ANK3: variants seen among roughly 807,000 people sequenced by gnomAD.
ANK3 encodes the protein ankyrin-3.
ANK3 carries 57 observed loss-of-function variants against 370.9 expected under a neutral mutation model. The observed-to-expected ratio is 0.15, with a 90% CI of 0.12 to 0.19. The LOEUF (loss-of-function observed/expected upper bound fraction) is 0.19, where lower values mean the gene tolerates loss of function less well. ANK3 is among the 10% of genes least tolerant of loss of function. ANK3 has a pLI of 1.00. For synonymous variants in ANK3, 1,929 were observed against 1,946.3 expected, an observed-to-expected ratio of 0.99 and a Z score of 0.23; for missense variants, 4,439 against 5,302.1, an observed-to-expected ratio of 0.84 and a Z score of 5.06.
intron 7 of ANK3, among the ~76,000 whole-genome samples, chr10:60,255,504 T>C (rs2097721455): frequency 6.6e-6 from 1 of 151,994 alleles, no homozygotes; most frequent in South Asian, 2.1e-4. Context: ...AGATAGCAAA[T>C]AGAGTGTGCA....
chr10:60,484,084 T>C (rs2075291373), intron 2 of ANK3, among the ~76,000 whole-genome samples: 1 of 152,094 alleles, frequency 6.6e-6, no homozygotes, highest in Non-Finnish European at 1.5e-5. Flanking sequence ...AGATAAGCAA[T>C]AATAAAGTAT....
chr10:60,191,897 A>G (rs1254109994), intron 16 of ANK3, among the ~76,000 whole-genome samples: 1 of 152,036 alleles, frequency 6.6e-6, no homozygotes, highest in Non-Finnish European at 1.5e-5. Flanking sequence ...TGTGGGATAT[A>G]TACATTTTAT....
At chr10:60,046,899 C>T (rs1365895619) in intron 42 of ANK3, among the ~76,000 whole-genome samples, 3 of 151,480 alleles carry the variant, frequency 2.0e-5, no homozygotes, top group African/African-American at 2.4e-5. Context: ...CTCCGCCTCC[C>T]GGGTTCATGC....
At chr10:60,710,973 G>A (rs1195725612) in intron 1 of ANK3, among the ~76,000 whole-genome samples, 1 of 152,160 alleles carries the variant, frequency 6.6e-6, no homozygotes, top group Non-Finnish European at 1.5e-5. Flanking sequence ...ACCCACAATG[G>A]GGAGGGCCAG....
intron 28 of ANK3, 49 bp from the exon 29 acceptor site, chr10:60,088,407 A>G (rs1226010876): frequency 4.0e-6 from 6 of 1,488,758 alleles, no homozygotes; most frequent in African/African-American, 1.4e-5. Context: ...CATATCTACA[A>G]CATACCTTAA....
At chr10:60,499,735 G>C (rs1310006896) in intron 2 of ANK3, among the ~76,000 whole-genome samples, 1 of 152,142 alleles carries the variant, frequency 6.6e-6, no homozygotes, top group Non-Finnish European at 1.5e-5. Context: ...GGAAGGCTTG[G>C]CCATGCTTGG....
chr10:60,121,973 T>C (rs571069546), intron 25 of ANK3, among the ~76,000 whole-genome samples: 141 of 152,272 alleles, frequency 9.3e-4, no homozygotes, highest in African/African-American at 3.1e-3. Context: ...ATACCACATA[T>C]GATGATGGTT....
At chr10:60,730,039 T>C (rs1164608152) in intron 1 of ANK3, among the ~76,000 whole-genome samples, 1 of 152,262 alleles carries the variant, frequency 6.6e-6, no homozygotes, top group African/African-American at 2.4e-5. Flanking sequence ...GTGTCTGGGA[T>C]ATATTTCAAC....
chr10:60,604,377 C>T lies in ANK3; in HGVS notation c.96+10809G>A, dbSNP rs531328058. On this transcript the variant is annotated intron_variant, in intron 2 of 43. Coordinates refer to the ANK3 transcript ENST00000373827. ...ATGTAGCAAGATCAAACCAAAATGC[C>T]TTCAACAAATAAAGTTTCTCTGGAA... Among the ~76,000 whole-genome samples the T allele has an allele frequency of 3.3e-5, 5 of 152,204 alleles. No homozygotes were observed. The South Asian group carries it at 6.2e-4, about 19-fold the overall frequency.
Position 60,210,220 on chromosome 10 carries a change from A to G in ANK3, c.997-1987T>C, listed in dbSNP as rs1244096759. On this transcript the variant is annotated intron_variant, in intron 9 of 43. Transcript: ENST00000280772. ...TGCTTTCATTCTATTGAAGAGAACCAGACAGCAAGCAAGTAAACAAGCATA... is the reference window on the plus strand; with the variant it reads ...TGCTTTCATTCTATTGAAGAGAACCGGACAGCAAGCAAGTAAACAAGCATA... Among the ~76,000 whole-genome samples, 4 of 152,220 alleles carry G rather than the reference A, an allele frequency of 2.6e-5. No homozygotes were observed. In the East Asian group the frequency reaches 7.7e-4, roughly 29 times the overall value.
intron 2 of ANK3, among the ~76,000 whole-genome samples, chr10:60,517,984 A>C (rs1284344944): frequency 6.6e-6 from 1 of 152,150 alleles, no homozygotes; most frequent in African/African-American, 2.4e-5. Context: ...TAAACATGAG[A>C]ATAATACTAC....
rs2097305226 is a variant in ANK3, at chr10:60,234,898, C to T, written c.799-112G>A. Reference sequence around the variant, plus strand: ...TTCCCCCTCTCCTTTTCTAAACATCCTTTATGAACAGTGTGCTTCCTAATA... The same window carrying T: ...TTCCCCCTCTCCTTTTCTAAACATCTTTTATGAACAGTGTGCTTCCTAATA... On this transcript the variant is annotated intron_variant, in intron 7 of 43. Transcript: ENST00000280772. 1.0e-5 allele frequency: 7 copies of T among 675,372 alleles called. No individual in the cohort carries two copies. The Admixed American group carries it at 1.3e-4, about 13-fold the overall frequency. 41.8% of individuals were successfully genotyped at this position (675,372 alleles called of 1,614,324 possible).
Position 60,619,803 on chromosome 10 carries a change from G to A in ANK3, c.58-4579C>T, listed in dbSNP as rs1243588031. 5.3e-5 allele frequency among the ~76,000 whole-genome samples: 8 copies of A among 152,146 alleles called. No individual in the cohort carries two copies. The East Asian group carries it at 1.3e-3, about 26-fold the overall frequency. On this transcript the variant is annotated intron_variant, in intron 1 of 43. Transcript: ENST00000373827. ...AAATGCCAAGTTCCTCCTGTTTGCCGAAACTGATGCCTACAGTCTCCAGAA... is the reference window on the plus strand; with the variant it reads ...AAATGCCAAGTTCCTCCTGTTTGCCAAAACTGATGCCTACAGTCTCCAGAA...
chr10:60,282,238 A>G (rs916301623), intron 1 of ANK3, among the ~76,000 whole-genome samples: 2 of 152,146 alleles, frequency 1.3e-5, no homozygotes, highest in Non-Finnish European at 2.9e-5. Context: ...GGAGTACATA[A>G]CAACAGCGGC....
intron 1 of ANK3, among the ~76,000 whole-genome samples, chr10:60,678,501 C>T (rs1040629655): frequency 5.3e-5 from 8 of 151,992 alleles, no homozygotes; most frequent in African/African-American, 1.9e-4. Context: ...AGTATATAAA[C>T]ACAATATGAC....
chr10:60,439,882 C>T (rs2064254197), intron 2 of ANK3, among the ~76,000 whole-genome samples: 1 of 152,212 alleles, frequency 6.6e-6, no homozygotes, highest in African/African-American at 2.4e-5. Flanking sequence ...AGATATTCCT[C>T]CTTCCAGCAG....
chr10:60,056,507 C>T (rs1284240571), intron 41 of ANK3, among the ~76,000 whole-genome samples: 2 of 151,926 alleles, frequency 1.3e-5, no homozygotes, highest in Non-Finnish European at 2.9e-5. Flanking sequence ...CTCATGGGTG[C>T]GGTGTCAGGA....
intron 1 of ANK3, among the ~76,000 whole-genome samples, chr10:60,345,045 T>G (rs2055122061): frequency 6.6e-6 from 1 of 151,832 alleles, no homozygotes; most frequent in African/African-American, 2.4e-5. Flanking sequence ...TTTTGCCCCT[T>G]TCTTGCTGCA....
chr10:60,679,535 G>A (rs1271720499), intron 1 of ANK3, among the ~76,000 whole-genome samples: 1 of 152,070 alleles, frequency 6.6e-6, no homozygotes, highest in Non-Finnish European at 1.5e-5. Context: ...ACCTTCTTCT[G>A]GGAATGCTTG....
Sources: gnomAD v4.1 joint callset for allele counts (sites outside exome capture counted in the v4.1 genomes callset) on GRCh38, gnomAD v4.1.1 for gene constraint, MANE v1.5 for transcripts, NCBI Gene and HGNC (gene_info 2026-07-23, HGNC 2026-07-21) for gene names.